Variants in GRIK3 observed in about 807,000 individuals in gnomAD.
GRIK3 encodes glutamate receptor ionotropic, kainate 3.
In GRIK3, 29 loss-of-function variants were observed where a neutral mutation model predicts 102.5. The observed-to-expected ratio is 0.28, with a 90% confidence interval of 0.21 to 0.39. The LOEUF (loss-of-function observed/expected upper bound fraction) is 0.39, where lower values mean the gene tolerates loss of function less well. Among genes scored for constraint, GRIK3 ranks in the 10% least tolerant of loss-of-function variants. The pLI, the probability that GRIK3 is intolerant of heterozygous loss-of-function variation, is 1.00. For synonymous variants in GRIK3, 511 were observed against 504.9 expected (o/e 1.01, Z -0.16); for missense variants, 908 against 1,252.4 (o/e 0.73, Z 4.15).
chr1:36,923,578 T>A (rs1313041874), intron 1 of GRIK3, among the ~76,000 whole-genome samples: 1 of 152,216 alleles, frequency 6.6e-6, no homozygotes, highest in African/African-American at 2.4e-5. Context: ...CCTAGCTCTA[T>A]CCTTGCAGAC....
At chr1:36,902,936 T>A (rs1641247472) in intron 1 of GRIK3, among the ~76,000 whole-genome samples, 1 of 151,970 alleles carries the variant, frequency 6.6e-6, no homozygotes, top group African/African-American at 2.4e-5. Context: ...ATAAGAGGCG[T>A]CCACCACCAC....
At chr1:36,912,321 C>A (rs1011086091) in intron 1 of GRIK3, among the ~76,000 whole-genome samples, 4 of 152,146 alleles carry the variant, frequency 2.6e-5, no homozygotes, top group African/African-American at 7.2e-5. Context: ...GCTAGGGAGG[C>A]CTGGGAGCTG....
At chr1:36,978,294 A>G (rs1158088396) in intron 1 of GRIK3, among the ~76,000 whole-genome samples, 1 of 152,240 alleles carries the variant, frequency 6.6e-6, no homozygotes. Flanking sequence ...CACTGCACCC[A>G]GATTACGGAG....
At chr1:36,963,699 G>A (rs1036522481) in intron 1 of GRIK3, among the ~76,000 whole-genome samples, 2 of 152,124 alleles carry the variant, frequency 1.3e-5, no homozygotes, top group Non-Finnish European at 2.9e-5. Context: ...GCCTCTCTGT[G>A]AGAGTTCCCC....
rs545425 is a variant in GRIK3 at position 36,932,124 on chromosome 1, C to T, written c.116-41028G>A. Among the ~76,000 whole-genome samples the T allele has an allele frequency of 9.7e-3, 1,471 of 152,242 alleles. 16 individuals carry two copies. Among genetic ancestry groups the T allele is most frequent in the African/African-American group, 0.033 (1,381 of 41,524 alleles). On this transcript the variant is annotated intron_variant, in intron 1 of 15. Transcript: ENST00000373091. ...CATCCCACAGATCTGCTGGCCTCTCCGCTTGTTTCTCCTTCCTTCTCTAGG... is the reference window on the plus strand; with the variant it reads ...CATCCCACAGATCTGCTGGCCTCTCTGCTTGTTTCTCCTTCCTTCTCTAGG...
At chr1:36,858,510 T>G (rs1640679154) in intron 7 of GRIK3, among the ~76,000 whole-genome samples, 1 of 152,186 alleles carries the variant, frequency 6.6e-6, no homozygotes, top group East Asian at 1.9e-4. Context: ...GTTTCCATAT[T>G]CTCTGGTTTC....
intron 1 of GRIK3, among the ~76,000 whole-genome samples, chr1:36,963,289 A>G (rs1037864977): frequency 1.3e-5 from 2 of 152,142 alleles, no homozygotes; most frequent in African/African-American, 4.8e-5. Context: ...GTAGCAGGCA[A>G]TAGAGAAAAC....
At chr1:36,810,629 GA>G (rs1642551141) in intron 13 of GRIK3, among the ~76,000 whole-genome samples, 1 of 152,234 alleles carries the variant, frequency 6.6e-6, no homozygotes, top group South Asian at 2.1e-4. Context: ...AATGTGTGCA[GA>G]GATGCAGTAG....
chr1:36,936,707 A>G (rs1290197717), intron 1 of GRIK3, among the ~76,000 whole-genome samples: 4 of 152,156 alleles, frequency 2.6e-5, no homozygotes, highest in African/African-American at 9.7e-5. Flanking sequence ...TGTAAGCTTC[A>G]TGAGGTCAGG....
At chr1:36,941,825 C>G (rs1173966430) in intron 1 of GRIK3, among the ~76,000 whole-genome samples, 1 of 152,136 alleles carries the variant, frequency 6.6e-6, no homozygotes, top group Non-Finnish European at 1.5e-5. Flanking sequence ...TAAAGGGGAG[C>G]AGAATTATGA....
At chr1:37,030,128 A>C (rs1393626766) in intron 1 of GRIK3, among the ~76,000 whole-genome samples, 1 of 152,226 alleles carries the variant, frequency 6.6e-6, no homozygotes, top group Non-Finnish European at 1.5e-5. Context: ...AAATTCCTCA[A>C]GTTAATGCTC....
At position 36,858,072 on chromosome 1, in the gene GRIK3, G is replaced by A. The variant is rs59209615; in HGVS notation, c.1104+1036C>T. 4.0e-3 allele frequency among the ~76,000 whole-genome samples: 610 copies of A among 152,240 alleles called. 8 individuals carry two copies. The highest frequency in any genetic ancestry group is 0.014 in the African/African-American group (573 of 41,538). On this transcript the variant is annotated intron_variant, in intron 7 of 15. Coordinates refer to ENST00000373091, the MANE Select transcript of GRIK3 (RefSeq NM_000831.4). The stretch of plus-strand genomic sequence containing the variant: ...AGAGCTCATTTGTCCTTTCTATCCC[G>A]AGTCCTTCTAGAGGGCTTCCCCCAC...
intron 1 of GRIK3, among the ~76,000 whole-genome samples, chr1:36,999,323 C>T (rs369054089): frequency 5.9e-5 from 9 of 152,046 alleles, no homozygotes; most frequent in East Asian, 3.9e-4. Context: ...AGCAGAGAAT[C>T]CCTGTCCGAG....
intron 1 of GRIK3, among the ~76,000 whole-genome samples, chr1:36,914,391 C>G (rs1395044859): frequency 6.6e-6 from 1 of 152,192 alleles, no homozygotes; most frequent in Non-Finnish European, 1.5e-5. Context: ...GAGCAGGTTT[C>G]TTTTCTGCAG....
At chr1:36,993,918 C>T (rs1335260627) in intron 1 of GRIK3, among the ~76,000 whole-genome samples, 1 of 152,216 alleles carries the variant, frequency 6.6e-6, no homozygotes, top group Non-Finnish European at 1.5e-5. Context: ...TATGACTGCA[C>T]TGCAGCTCAA....
At chr1:36,849,152 G>T (rs12120909) in intron 9 of GRIK3, among the ~76,000 whole-genome samples, 3 of 152,256 alleles carry the variant, frequency 2.0e-5, no homozygotes, top group South Asian at 4.1e-4. Flanking sequence ...TGGAAGAATG[G>T]TTTTTTCCCC....
At chr1:36,871,105 C>T (rs542009766) in intron 4 of GRIK3, among the ~76,000 whole-genome samples, 4 of 152,250 alleles carry the variant, frequency 2.6e-5, no homozygotes, top group African/African-American at 9.6e-5. Flanking sequence ...ACTGAAGCCT[C>T]CATAATGGTA....
chr1:36,957,415 TGTGCCCC>T (rs1641926214), intron 1 of GRIK3, among the ~76,000 whole-genome samples: 1 of 144,998 alleles, frequency 6.9e-6, no homozygotes, highest in Non-Finnish European at 1.5e-5. Flanking sequence ...CGTGAGCCTG[TGTGCCCC>T]ATGAGCCTCT....
chr1:36,948,597 G>A (rs979119916), intron 1 of GRIK3, among the ~76,000 whole-genome samples: 3 of 152,218 alleles, frequency 2.0e-5, no homozygotes, highest in Non-Finnish European at 4.4e-5. Context: ...GGGTAAGAAG[G>A]AGAGCACAGG....
Sources: gnomAD v4.1 joint callset for allele counts (sites outside exome capture counted in the v4.1 genomes callset) on GRCh38, gnomAD v4.1.1 for gene constraint, MANE v1.5 for transcripts, NCBI Gene and HGNC (gene_info 2026-07-23, HGNC 2026-07-21) for gene names.